The following ZBTB16 variants were observed in gnomAD, a reference collection of about 807,000 sequenced individuals.
ZBTB16 encodes zinc finger and BTB domain containing 16, also known as zinc finger and BTB domain-containing protein 16.
ZBTB16 carries 8 observed loss-of-function variants against 56.8 expected under a neutral mutation model. The observed-to-expected ratio is 0.14, with a 90% CI of 0.08 to 0.25. The LOEUF is 0.25. Among genes scored for constraint, ZBTB16 ranks in the 10% least tolerant of loss-of-function variants. The pLI is 1.00. For missense variants in ZBTB16, 625 were observed against 903.0 expected (o/e 0.69, Z 3.95); for synonymous variants, 363 against 368.5 (o/e 0.98, Z 0.17).
chr11:114,140,481 G>A (rs1169432794), intron 2 of ZBTB16, among the ~76,000 whole-genome samples: 3 of 152,316 alleles, frequency 2.0e-5, no homozygotes, highest in Admixed American at 6.5e-5. Flanking sequence ...TTCTCAACTT[G>A]CCTAGGCCCA....
intron 2 of ZBTB16, among the ~76,000 whole-genome samples, chr11:114,123,694 T>C (rs751348555): frequency 1.3e-5 from 2 of 152,168 alleles, no homozygotes; most frequent in Non-Finnish European, 2.9e-5. Context: ...TCTTGTACTT[T>C]CTGAGGAGCA....
intron 3 of ZBTB16, among the ~76,000 whole-genome samples, chr11:114,160,217 C>T (rs1456294544): frequency 6.6e-6 from 1 of 152,172 alleles, no homozygotes; most frequent in Non-Finnish European, 1.5e-5. Context: ...ACAGTATGTA[C>T]AGTGAGTGCT....
At chr11:114,111,087 A>G (rs1940986875) in intron 2 of ZBTB16, among the ~76,000 whole-genome samples, 1 of 152,142 alleles carries the variant, frequency 6.6e-6, no homozygotes. Flanking sequence ...CATGATTTCC[A>G]AAAAGCAGTG....
chr11:114,107,487 C>T lies in ZBTB16; in HGVS notation c.1268+42919C>T, dbSNP rs780178172. 3.9e-4 allele frequency among the ~76,000 whole-genome samples: 59 copies of T among 152,112 alleles called. 1 individual carries two copies. The highest frequency in any genetic ancestry group is 1.2e-4 in the Non-Finnish European group (8 of 68,028). The stretch of plus-strand genomic sequence containing the variant: ...CTGCCAAGGGGTTCTCTGTGCAGGT[C>T]ACTTTTCAAAGGGATCTTTTCTCCC... On this transcript the variant is annotated intron_variant, in intron 2 of 6. Coordinates refer to ENST00000335953, the MANE Select transcript of ZBTB16 (RefSeq NM_006006.6).
chr11:114,238,214 C>T (rs1004029039), intron 4 of ZBTB16, among the ~76,000 whole-genome samples: 3 of 152,234 alleles, frequency 2.0e-5, no homozygotes, highest in Admixed American at 6.5e-5. Context: ...TCAGCCCTCT[C>T]GCTGCTTCTA....
In ZBTB16 at chr11:114,075,055, C is replaced by T. The variant is rs544874298; in HGVS notation, c.1268+10487C>T. On this transcript the variant is annotated intron_variant, in intron 2 of 6. Transcript: ENST00000335953. ...GGTCAAGGGGAAGGAGAGACCCCCACGTGCTAGCAGGGGCTGTTGCTGGGA... is the reference window on the plus strand; with the variant it reads ...GGTCAAGGGGAAGGAGAGACCCCCATGTGCTAGCAGGGGCTGTTGCTGGGA... Among the ~76,000 whole-genome samples the T allele has an allele frequency of 3.9e-5, 6 of 152,308 alleles. No homozygotes were observed. The South Asian group carries it at 6.2e-4, about 16-fold the overall frequency.
At chr11:114,187,418 A>G in intron 4 of ZBTB16, 1 of 262,812 alleles carries the variant, frequency 3.8e-6, no homozygotes. Flanking sequence ...TGAAACTGAA[A>G]CCCTCGTGTG....
chr11:114,227,908 A>C (rs1255439685), intron 4 of ZBTB16, among the ~76,000 whole-genome samples: 2 of 152,250 alleles, frequency 1.3e-5, no homozygotes, highest in African/African-American at 2.4e-5. Flanking sequence ...AGGACAATTC[A>C]GTGGCATTAA....
intron 2 of ZBTB16, among the ~76,000 whole-genome samples, chr11:114,065,494 G>T (rs533910720): frequency 1.3e-5 from 2 of 152,000 alleles, no homozygotes; most frequent in African/African-American, 4.8e-5. Flanking sequence ...TCTGCTCACC[G>T]CAACCTCTGC....
At chr11:114,111,439 A>G (rs1419770147) in intron 2 of ZBTB16, among the ~76,000 whole-genome samples, 5 of 152,160 alleles carry the variant, frequency 3.3e-5, no homozygotes, top group Admixed American at 2.0e-4. Flanking sequence ...ATAGAGAGAA[A>G]GAGAGAAACT....
intron 3 of ZBTB16, among the ~76,000 whole-genome samples, chr11:114,175,799 A>C (rs1054701545): frequency 1.3e-5 from 2 of 151,960 alleles, no homozygotes; most frequent in Admixed American, 1.3e-4. Context: ...AAATACCTCC[A>C]ATGAGGTATG....
At chr11:114,144,618 G>T (rs1040341180) in intron 2 of ZBTB16, among the ~76,000 whole-genome samples, 1 of 152,268 alleles carries the variant, frequency 6.6e-6, no homozygotes, top group Non-Finnish European at 1.5e-5. Context: ...AACAAGGCCA[G>T]GAAGAGAGGC....
intron 3 of ZBTB16, among the ~76,000 whole-genome samples, chr11:114,174,844 A>G (rs558329302): frequency 2.0e-5 from 3 of 152,192 alleles, no homozygotes; most frequent in Non-Finnish European, 4.4e-5. Context: ...AAGCCGTGCC[A>G]TAGACCCCAA....
chr11:114,209,770 C>T, intron 4 of ZBTB16: 2 of 985,450 alleles, frequency 2.0e-6, no homozygotes, highest in Non-Finnish European at 2.4e-6. Context: ...AGGAGTACAC[C>T]ACAGCCCAGG....
At chr11:114,162,574 A>G (rs1942619643) in intron 3 of ZBTB16, among the ~76,000 whole-genome samples, 1 of 152,138 alleles carries the variant, frequency 6.6e-6, no homozygotes, top group South Asian at 2.1e-4. Flanking sequence ...CCCATGGCCA[A>G]TCCATGCACC....
At chr11:114,133,239 T>C (rs1190857074) in intron 2 of ZBTB16, among the ~76,000 whole-genome samples, 1 of 151,906 alleles carries the variant, frequency 6.6e-6, no homozygotes, top group African/African-American at 2.4e-5. Flanking sequence ...GGGGGTGCAG[T>C]TTTCAATCCT....
intron 3 of ZBTB16, among the ~76,000 whole-genome samples, chr11:114,162,767 TCAGAGGCCAGGCTGCCCTCC>T (rs1297042688): frequency 1.3e-5 from 2 of 152,126 alleles, no homozygotes; most frequent in East Asian, 3.9e-4. Flanking sequence ...TGGGGGTGGC[TCAGAGGCCAGGCTGCCCTCC>T]CTTCGGTCCG....
chr11:114,216,435 AC>A (rs1944098679), intron 4 of ZBTB16, among the ~76,000 whole-genome samples: 1 of 152,110 alleles, frequency 6.6e-6, no homozygotes, highest in African/African-American at 2.4e-5. Context: ...CAGGGCTCTG[AC>A]CCAGCCCTTA....
intron 2 of ZBTB16, among the ~76,000 whole-genome samples, chr11:114,139,043 C>G (rs564443578): frequency 1.1e-4 from 16 of 152,298 alleles, no homozygotes; most frequent in African/African-American, 3.6e-4. Context: ...CTCACCTGCT[C>G]TCTCAGCCCA....
Sources: allele counts gnomAD v4.1 joint callset (sites outside exome capture counted in the v4.1 genomes callset), GRCh38; gene constraint gnomAD v4.1.1; transcripts MANE v1.5; gene names NCBI Gene and HGNC (gene_info 2026-07-23, HGNC 2026-07-21).